The following DLGAP2 variants were observed in gnomAD, a reference collection of about 807,000 sequenced individuals.
DLGAP2 encodes the protein disks large-associated protein 2.
A neutral mutation model predicts 100.3 loss-of-function variants in DLGAP2; 26 were observed. That is an observed-to-expected ratio of 0.26 (90% CI 0.19 to 0.36). DLGAP2 has a LOEUF of 0.36. DLGAP2 is among the 10% of genes least tolerant of loss of function. The pLI is 1.00. For synonymous variants in DLGAP2, 886 were observed against 630.1 expected, an observed-to-expected ratio of 1.41 and a Z score of -6.08; for missense variants, 1,858 against 1,453.2, an observed-to-expected ratio of 1.28 and a Z score of -4.53.
At chr8:1,283,206 G>A (rs1467133522) in intron 3 of DLGAP2, among the ~76,000 whole-genome samples, 2 of 145,680 alleles carry the variant, frequency 1.4e-5, no homozygotes, top group African/African-American at 5.1e-5. Context: ...CAGACGTGGT[G>A]TGACCTGAAC....
chr8:918,047 C>T (rs760557310), intron 2 of DLGAP2, among the ~76,000 whole-genome samples: 1 of 152,252 alleles, frequency 6.6e-6, no homozygotes, highest in African/African-American at 2.4e-5. Context: ...ATGTGAGCAG[C>T]TGAAGATATT....
chr8:1,437,299 A>C (rs554630868), intron 3 of DLGAP2, among the ~76,000 whole-genome samples: 74 of 151,828 alleles, frequency 4.9e-4, no homozygotes, highest in African/African-American at 1.7e-3. Context: ...GCAGGCGCGA[A>C]GCCATGCGGG....
At chr8:1,160,831 C>T (rs573834298) in intron 2 of DLGAP2, among the ~76,000 whole-genome samples, 5 of 152,276 alleles carry the variant, frequency 3.3e-5, no homozygotes, top group Non-Finnish European at 5.9e-5. Flanking sequence ...GACCAGCACG[C>T]GATTCCGCCT....
chr8:1,689,996 C>G lies in DLGAP2; in HGVS notation c.2705-1539C>G, dbSNP rs151172959. Among the ~76,000 whole-genome samples the G allele has an allele frequency of 5.7e-3, 867 of 152,306 alleles. 8 individuals are homozygous for G. Among genetic ancestry groups the G allele is most frequent in the African/African-American group, 0.019 (782 of 41,544 alleles). ...TCGATTCCTGTGTGGTTTTGAGGAT[C>G]ATGGTGAGCTAGGATCTACCAAAGC... On this transcript the variant is annotated intron_variant, in intron 12 of 14. Transcript: ENST00000637795.
At chr8:1,362,873 C>G (rs1029336073) in intron 3 of DLGAP2, among the ~76,000 whole-genome samples, 1 of 152,204 alleles carries the variant, frequency 6.6e-6, no homozygotes, top group African/African-American at 2.4e-5. Context: ...TGGCTAGTTT[C>G]TCTTGTCTTT....
chr8:796,579 G>C (rs910987901), intron 1 of DLGAP2, among the ~76,000 whole-genome samples: 1 of 152,168 alleles, frequency 6.6e-6, no homozygotes, highest in Non-Finnish European at 1.5e-5. Context: ...TCCTTGGTCT[G>C]AGTGGATTCC....
At chr8:1,108,165 A>G (rs910341508) in intron 2 of DLGAP2, among the ~76,000 whole-genome samples, 3 of 152,072 alleles carry the variant, frequency 2.0e-5, no homozygotes, top group South Asian at 2.1e-4. Flanking sequence ...AAGAAAGGAT[A>G]GGAAGGTTGA....
At chr8:950,415 A>G (rs1268236080) in intron 2 of DLGAP2, among the ~76,000 whole-genome samples, 2 of 152,150 alleles carry the variant, frequency 1.3e-5, no homozygotes, top group African/African-American at 2.4e-5. Flanking sequence ...CCTCTTACCA[A>G]GCGCTTCCTG....
intron 1 of DLGAP2, among the ~76,000 whole-genome samples, chr8:892,633 T>C (rs1300652614): frequency 6.6e-6 from 1 of 152,110 alleles, no homozygotes; most frequent in African/African-American, 2.4e-5. Context: ...CTTCCCTGGG[T>C]AGGTCAGCTC....
At chr8:789,767 G>A (rs976882371) in intron 1 of DLGAP2, among the ~76,000 whole-genome samples, 1 of 152,206 alleles carries the variant, frequency 6.6e-6, no homozygotes, top group Non-Finnish European at 1.5e-5. Context: ...GCCCTGCTTG[G>A]CAAAGCCGGC....
chr8:1,530,446 C>T (rs1157824291), intron 4 of DLGAP2, among the ~76,000 whole-genome samples: 1 of 152,244 alleles, frequency 6.6e-6, no homozygotes, highest in East Asian at 1.9e-4. Context: ...TCAGGGTGCC[C>T]ACATTTCATA....
chr8:818,933 G>C (rs1796536255), intron 1 of DLGAP2, among the ~76,000 whole-genome samples: 2 of 152,110 alleles, frequency 1.3e-5, no homozygotes, highest in Admixed American at 1.3e-4. Context: ...AGTAACCATG[G>C]AACAACTAAA....
chr8:1,093,518 C>T (rs1804257338), intron 2 of DLGAP2, among the ~76,000 whole-genome samples: 2 of 151,906 alleles, frequency 1.3e-5, no homozygotes. Context: ...CACCAACAGC[C>T]AGACCGAAAC....
intron 2 of DLGAP2, among the ~76,000 whole-genome samples, chr8:1,025,786 G>A (rs1024817813): frequency 2.0e-5 from 3 of 152,324 alleles, no homozygotes; most frequent in Admixed American, 6.5e-5. Context: ...TGAGAGACAC[G>A]GTCGCAATGG....
At chr8:1,219,806 C>G (rs545922338) in intron 2 of DLGAP2, among the ~76,000 whole-genome samples, 1 of 152,156 alleles carries the variant, frequency 6.6e-6, no homozygotes, top group East Asian at 1.9e-4. Context: ...TTGGTCTGTT[C>G]AGGATTTCAG....
chr8:1,501,428 C>T lies in DLGAP2; in HGVS notation c.169C>T (p.Leu57=). 1 of 1,535,740 alleles carries T rather than the reference C, an allele frequency of 6.5e-7. No homozygotes were observed. Among genetic ancestry groups the T allele is most frequent in the South Asian group, 1.2e-5 (1 of 84,044 alleles). ...CTTTCCGGGGCCGGCAGAGGAGGAT[C>T]TAGGTAGAGTACAGACGTCAGCCCC... ...ISFPGPAEED[L]DPQYSWSPTQ... The change falls in exon 4 of 15, where the codon CTA becomes TTA. Residue 57 remains leucine, a synonymous_variant. Coordinates refer to ENST00000637795, the MANE Select transcript of DLGAP2 (RefSeq NM_001346810.2).
At chr8:747,719 G>A (rs1320957480) in intron 1 of DLGAP2, among the ~76,000 whole-genome samples, 3 of 85,884 alleles carry the variant, frequency 3.5e-5, no homozygotes, top group Non-Finnish European at 7.2e-5. Flanking sequence ...TGGAATGAAC[G>A]TGTCTGCGGT....
chr8:1,178,183 AG>A (rs1403665970), intron 2 of DLGAP2, among the ~76,000 whole-genome samples: 1 of 152,252 alleles, frequency 6.6e-6, no homozygotes, highest in Non-Finnish European at 1.5e-5. Flanking sequence ...TGTTAAATTC[AG>A]GAAGATAGTA....
chr8:1,061,403 G>A (rs1228826136), intron 2 of DLGAP2, among the ~76,000 whole-genome samples: 1 of 152,082 alleles, frequency 6.6e-6, no homozygotes, highest in Non-Finnish European at 1.5e-5. Flanking sequence ...CCAGCTCATC[G>A]GCTCATCCAC....
Sources: gnomAD v4.1 joint callset for allele counts (sites outside exome capture counted in the v4.1 genomes callset) on GRCh38, gnomAD v4.1.1 for gene constraint, MANE v1.5 for transcripts, NCBI Gene and HGNC (gene_info 2026-07-23, HGNC 2026-07-21) for gene names.